The following BACE2 variants were observed in gnomAD, a reference collection of about 807,000 sequenced individuals.
BACE2 encodes 56 kDa aspartic-like protease.
Under a neutral mutation model 46.2 loss-of-function variants are expected in BACE2, and 17 were observed. The ratio of observed to expected loss-of-function variants is 0.37; its 90% CI spans 0.25 to 0.55. The LOEUF is 0.55. Ranked by LOEUF, BACE2 falls within the 20% of genes least tolerant of loss-of-function variation. The pLI, the probability that BACE2 is intolerant of heterozygous loss-of-function variation, is 0.82. For missense variants in BACE2, 595 were observed against 698.1 expected, an observed-to-expected ratio of 0.85 and a Z score of 1.66; for synonymous variants, 277 against 295.9, an observed-to-expected ratio of 0.94 and a Z score of 0.66.
intron 1 of BACE2, chr21:41,184,936 G>T: frequency 6.0e-6 from 1 of 167,116 alleles, no homozygotes. Context: ...ATAGAACCAT[G>T]TTTAGGCCAG....
intron 1 of BACE2, among the ~76,000 whole-genome samples, chr21:41,169,292 G>GA (rs1457600477): frequency 2.0e-5 from 3 of 151,806 alleles, no homozygotes; most frequent in East Asian, 3.9e-4. Flanking sequence ...CAGCTACCGG[G>GA]AAAAAAACAG....
Position 41,281,802 on chromosome 21 carries a change from A to AT in BACE2, c.*6185dup, listed in dbSNP as rs977649810. 1 of 152,064 alleles carries AT rather than the reference A, an allele frequency of 6.6e-6. No individual in the cohort carries two copies. The highest frequency in any genetic ancestry group is 2.4e-5 in the African/African-American group (1 of 41,406). 9.4% of individuals were successfully genotyped at this position (152,064 alleles called of 1,614,324 possible). ...TTTGTTGCTAGTGGTATAAAACGAG[A>AT]TTTTTTTCCCTCATTTTTCTCATTG... On this transcript the variant is annotated 3_prime_UTR_variant, in exon 9 of 9. Coordinates refer to ENST00000330333, the MANE Select transcript of BACE2 (RefSeq NM_012105.5).
At position 41,237,713 on chromosome 21, in the gene BACE2, A is replaced by T; in HGVS notation, c.602A>T (p.Tyr201Phe). The T allele has an allele frequency of 6.2e-7, 1 of 1,613,924 alleles. No individual in the cohort carries two copies. The highest frequency in any genetic ancestry group is 8.5e-7 in the Non-Finnish European group (1 of 1,179,768). ...IKWNGILGLAYATLAKPSSSL... is the reference protein window; with the variant it reads ...IKWNGILGLAFATLAKPSSSL... ...TGGAATGGAATACTTGGCCTAGCTT[A>T]TGCCACACTTGCCAAGGTAAGGCTA... Residue 201 changes from tyrosine (Y) to phenylalanine (F), a missense_variant, in exon 3 of 9, where the codon TAT (tyrosine) becomes TTT (phenylalanine). Physicochemically the swap from Tyr to Phe is conservative, Grantham distance 22 (BLOSUM62 3). Around this residue, in one of 3 missense-constraint regions of BACE2, gnomAD observed 343 missense variants for 419.4 expected, o/e 0.82. Transcript: ENST00000330333.
chr21:41,237,589 G>T lies in BACE2; in HGVS notation c.478G>T (p.Glu160Ter). 2 of 1,614,224 alleles carry T rather than the reference G, an allele frequency of 1.2e-6. No homozygotes were observed. The highest frequency in any genetic ancestry group is 1.7e-6 in the Non-Finnish European group (2 of 1,180,040). Residue 160 changes from glutamate (E) to a stop codon, truncating the protein, a stop_gained, in exon 3 of 9, where the codon GAA (glutamate) becomes TAA (stop). Coordinates refer to ENST00000330333, the MANE Select transcript of BACE2 (RefSeq NM_012105.5). LOFTEE classifies it high-confidence loss of function. ...AGGAAGCTGGACGGGCTTCGTTGGGGAAGACCTCGTCACCATCCCCAAAGG... is the reference window on the plus strand; with the variant it reads ...AGGAAGCTGGACGGGCTTCGTTGGGTAAGACCTCGTCACCATCCCCAAAGG... ...TQGSWTGFVG[E>*]DLVTIPKGFN...
chr21:41,184,726 G>C (rs917117774), intron 1 of BACE2: 7 of 167,032 alleles, frequency 4.2e-5, no homozygotes, highest in Non-Finnish European at 1.0e-4. Flanking sequence ...ACTCAGGACT[G>C]GGGGACTGAA....
intron 4 of BACE2, among the ~76,000 whole-genome samples, chr21:41,242,320 A>C (rs1987322624): frequency 6.7e-6 from 1 of 149,784 alleles, no homozygotes; most frequent in South Asian, 2.2e-4. Flanking sequence ...GCAGGGAAAC[A>C]GGGGCCCTTG....
At chr21:41,240,460 A>G (rs1373620698) in intron 3 of BACE2, among the ~76,000 whole-genome samples, 1 of 152,246 alleles carries the variant, frequency 6.6e-6, no homozygotes, top group Non-Finnish European at 1.5e-5. Context: ...GTACTGCTCC[A>G]AGTGCTTTAC....
chr21:41,190,042 T>G (rs1339190469), intron 1 of BACE2, among the ~76,000 whole-genome samples: 3 of 152,214 alleles, frequency 2.0e-5, no homozygotes, highest in Admixed American at 1.3e-4. Context: ...GGCAGCTGAT[T>G]AGATGGTGCC....
intron 1 of BACE2, among the ~76,000 whole-genome samples, chr21:41,224,460 A>G (rs1356492664): frequency 6.6e-6 from 1 of 152,128 alleles, no homozygotes; most frequent in Non-Finnish European, 1.5e-5. Flanking sequence ...AAGTGCTGGG[A>G]TTACAGGCGT....
intron 2 of BACE2, among the ~76,000 whole-genome samples, chr21:41,226,624 G>C (rs142826482): frequency 1.3e-5 from 2 of 152,314 alleles, no homozygotes; most frequent in African/African-American, 4.8e-5. Context: ...AACTCCTTTA[G>C]TTATCCCAAG....
At chr21:41,272,792 C>A (rs1025092883) in intron 8 of BACE2, among the ~76,000 whole-genome samples, 2 of 152,144 alleles carry the variant, frequency 1.3e-5, no homozygotes, top group Non-Finnish European at 2.9e-5. Context: ...ATTGATTTTG[C>A]TCCCTATTAT....
intron 1 of BACE2, among the ~76,000 whole-genome samples, chr21:41,198,747 A>G (rs1934244982): frequency 6.6e-6 from 1 of 152,052 alleles, no homozygotes; most frequent in African/African-American, 2.4e-5. Flanking sequence ...TAATTTTAGT[A>G]TGAGTACTGC....
intron 1 of BACE2, among the ~76,000 whole-genome samples, chr21:41,208,374 G>A (rs773402966): frequency 2.6e-5 from 4 of 152,218 alleles, no homozygotes; most frequent in Admixed American, 6.5e-5. Flanking sequence ...CACCTTCTGG[G>A]GGTGGGAGAG....
chr21:41,241,886 C>T lies in BACE2; in HGVS notation c.686C>T (p.Ser229Phe), dbSNP rs1316014257. Residue 229 changes from serine to phenylalanine, a missense_variant, in exon 4 of 9, where the codon TCC becomes TTC. Physicochemically the swap from Ser to Phe is radical, Grantham distance 155. This residue lies in a region of BACE2 where 343 missense variants were observed against 419.4 expected (regional missense o/e 0.82). Coordinates refer to ENST00000330333, the MANE Select transcript of BACE2 (RefSeq NM_012105.5). ...VTQANIPNVF[S>F]MQMCGAGLPV... The stretch of plus-strand genomic sequence containing the variant: ...CAAGCAAACATCCCCAACGTTTTCT[C>T]CATGCAGATGTGTGGAGCCGGCTTG... The T allele has an allele frequency of 1.9e-6, 3 of 1,614,064 alleles. No individual in the cohort carries two copies.
In BACE2 at chr21:41,173,721, G is replaced by A. The variant is rs558826055; in HGVS notation, c.312+5146G>A. On this transcript the variant is annotated intron_variant, in intron 1 of 8. Transcript: ENST00000330333. ...AGATCGTGTCACTGCACTCCAGCCTGGGCAACAGAACGAGACTCTGTCTCG... is the reference window on the plus strand; with the variant it reads ...AGATCGTGTCACTGCACTCCAGCCTAGGCAACAGAACGAGACTCTGTCTCG... Among the ~76,000 whole-genome samples the A allele has an allele frequency of 1.6e-3, 246 of 152,206 alleles. 1 individual carries two copies. Among genetic ancestry groups the A allele is most frequent in the African/African-American group, 4.6e-3 (191 of 41,530 alleles).
At chr21:41,250,388 G>T (rs1987603663) in intron 6 of BACE2, among the ~76,000 whole-genome samples, 1 of 152,186 alleles carries the variant, frequency 6.6e-6, no homozygotes, top group African/African-American at 2.4e-5. Flanking sequence ...AAGGGCCTCT[G>T]CCCTCTGCTG....
chr21:41,216,012 A>G lies in BACE2; in HGVS notation c.313-10254A>G, dbSNP rs79186399. 2.5e-3 allele frequency among the ~76,000 whole-genome samples: 374 copies of G among 152,292 alleles called. 2 individuals carry two copies. The highest frequency in any genetic ancestry group is 8.1e-3 in the African/African-American group (337 of 41,558). On this transcript the variant is annotated intron_variant, in intron 1 of 8. Coordinates refer to ENST00000330333, the MANE Select transcript of BACE2 (RefSeq NM_012105.5). ...GCAGATTAAATTGCTAGCATGTGGC[A>G]TGAGGTGAGGAACCTGGAAGGAGCC...
At chr21:41,205,477 G>C (rs144000008) in intron 1 of BACE2, among the ~76,000 whole-genome samples, 2 of 152,194 alleles carry the variant, frequency 1.3e-5, no homozygotes, top group Admixed American at 1.3e-4. Flanking sequence ...CAGCAGGTCA[G>C]TTTTAAATAC....
chr21:41,246,327 AAT>A (rs1987471180), intron 6 of BACE2: 2 of 209,602 alleles, frequency 9.5e-6, no homozygotes, highest in Non-Finnish European at 1.9e-5. Context: ...GATGTTAGCA[AAT>A]AGTACCTTCA....
Sources: gnomAD v4.1 joint callset for allele counts (sites outside exome capture counted in the v4.1 genomes callset) on GRCh38, gnomAD v4.1.1 for gene constraint, gnomAD v4.1.1 regional missense constraint, MANE v1.5 for transcripts, NCBI Gene and HGNC (gene_info 2026-07-23, HGNC 2026-07-21) for gene names.